The following MSRA variants were observed in gnomAD, a reference collection of about 807,000 sequenced individuals.
The protein encoded by MSRA is methionine sulfoxide reductase A.
Under a neutral mutation model 31.3 loss-of-function variants are expected in MSRA, and 54 were observed. That is an observed-to-expected ratio of 1.73 (90% CI 1.39 to 2.17). MSRA has a LOEUF of 2.17. MSRA is among the 30% of genes most tolerant of loss of function. MSRA has a pLI of 0.00. For missense variants in MSRA, 507 were observed against 300.9 expected (o/e 1.69, Z -5.07); for synonymous variants, 169 against 116.5 (o/e 1.45, Z -2.90).
At chr8:10,240,459 C>G (rs1055581238) in intron 2 of MSRA, among the ~76,000 whole-genome samples, 2 of 152,218 alleles carry the variant, frequency 1.3e-5, no homozygotes, top group African/African-American at 4.8e-5. Flanking sequence ...GGGCCCCTTT[C>G]CATGCTTTGT....
intron 3 of MSRA, among the ~76,000 whole-genome samples, chr8:10,246,420 A>G (rs1055552935): frequency 2.6e-5 from 4 of 152,268 alleles, no homozygotes; most frequent in African/African-American, 7.2e-5. Context: ...TTTTCTAAAA[A>G]AAATTATATT....
At chr8:10,381,512 C>T (rs968716552) in intron 5 of MSRA, among the ~76,000 whole-genome samples, 2 of 152,198 alleles carry the variant, frequency 1.3e-5, no homozygotes, top group Non-Finnish European at 2.9e-5. Context: ...CTACGGGCCC[C>T]TCCCCAGTGA....
At chr8:10,127,701 G>C (rs573534399) in intron 1 of MSRA, among the ~76,000 whole-genome samples, 9 of 152,154 alleles carry the variant, frequency 5.9e-5, no homozygotes, top group Non-Finnish European at 7.3e-5. Flanking sequence ...AGAGAATTGG[G>C]TTACCTTAGC....
chr8:10,316,527 C>CTCTCTCTCTCTCTCTCTCTCT, intron 4 of MSRA, among the ~76,000 whole-genome samples: 1 of 112,632 alleles, frequency 8.9e-6, no homozygotes, highest in Admixed American at 9.2e-5. Context: ...TTTGATGATC[C>CTCTCTCTCTCTCTCTCTCTCT]CTCTCTCTCT....
chr8:10,127,570 G>T (rs1431167479), intron 1 of MSRA, among the ~76,000 whole-genome samples: 2 of 152,190 alleles, frequency 1.3e-5, no homozygotes, highest in East Asian at 3.9e-4. Context: ...CAGATGAAAT[G>T]AGTGGAGGAT....
At chr8:10,174,275 A>G (rs1805846344) in intron 1 of MSRA, among the ~76,000 whole-genome samples, 1 of 152,202 alleles carries the variant, frequency 6.6e-6, no homozygotes, top group East Asian at 1.9e-4. Flanking sequence ...TATGAAGGAC[A>G]CAGATAGAGG....
chr8:10,301,444 CTTTTGTCTGTTGTTTT>C (rs1297867528), intron 3 of MSRA, 74 bp from the exon 4 acceptor site: 2 of 962,510 alleles, frequency 2.1e-6, no homozygotes, highest in Non-Finnish European at 3.3e-6. Flanking sequence ...AGAGTTTCAG[CTTTTGTCTGTTGTTTT>C]TTTTGTGAAC....
chr8:10,415,025 A>G (rs1015974015), intron 5 of MSRA, among the ~76,000 whole-genome samples: 9 of 152,318 alleles, frequency 5.9e-5, no homozygotes, highest in African/African-American at 2.2e-4. Context: ...GGAAAGCCCA[A>G]ATCAAGAGGA....
At chr8:10,373,451 T>C (rs551395700) in intron 5 of MSRA, among the ~76,000 whole-genome samples, 75 of 152,352 alleles carry the variant, frequency 4.9e-4, no homozygotes, top group African/African-American at 1.8e-3. Flanking sequence ...ACTGCAGCCT[T>C]GAACTCATGG....
intron 1 of MSRA, among the ~76,000 whole-genome samples, chr8:10,088,713 G>C (rs988375684): frequency 3.9e-5 from 6 of 152,014 alleles, no homozygotes; most frequent in African/African-American, 1.2e-4. Flanking sequence ...TCCAGCCTGG[G>C]CACCAGAGTG....
chr8:10,416,402 C>T (rs989210122), intron 5 of MSRA, among the ~76,000 whole-genome samples: 5 of 152,220 alleles, frequency 3.3e-5, no homozygotes, highest in Admixed American at 6.5e-5. Flanking sequence ...GGAAAACCAA[C>T]GCAGGAAATA....
chr8:10,301,076 C>T (rs915254976), intron 3 of MSRA, among the ~76,000 whole-genome samples: 7 of 152,196 alleles, frequency 4.6e-5, no homozygotes, highest in African/African-American at 1.7e-4. Context: ...AGTGATCAGC[C>T]TGTTTTTTAC....
At chr8:10,359,675 C>T (rs1421253973) in intron 5 of MSRA, among the ~76,000 whole-genome samples, 2 of 152,144 alleles carry the variant, frequency 1.3e-5, no homozygotes, top group African/African-American at 2.4e-5. Context: ...CCACTGCTGC[C>T]ACCAAGCTTT....
chr8:10,362,688 A>G (rs1327722581), intron 5 of MSRA, among the ~76,000 whole-genome samples: 1 of 152,046 alleles, frequency 6.6e-6, no homozygotes, highest in African/African-American at 2.4e-5. Flanking sequence ...AGGAGGTCTC[A>G]GATGAGGACC....
intron 1 of MSRA, among the ~76,000 whole-genome samples, chr8:10,090,249 G>A (rs1471265983): frequency 6.6e-6 from 1 of 152,174 alleles, no homozygotes; most frequent in Non-Finnish European, 1.5e-5. Flanking sequence ...TAGCAGTCCA[G>A]GAGAGCAGAA....
chr8:10,384,955 T>C (rs543726810), intron 5 of MSRA, among the ~76,000 whole-genome samples: 15 of 151,982 alleles, frequency 9.9e-5, no homozygotes, highest in Non-Finnish European at 1.6e-4. Context: ...TAAGCCGTGA[T>C]TGGGCCACTG....
intron 3 of MSRA, among the ~76,000 whole-genome samples, chr8:10,298,134 C>T (rs1800642907): frequency 6.6e-6 from 1 of 152,184 alleles, no homozygotes; most frequent in African/African-American, 2.4e-5. Context: ...TAATGGGGAC[C>T]ATATGTCTCT....
intron 5 of MSRA, among the ~76,000 whole-genome samples, chr8:10,397,935 C>T (rs1450940665): frequency 6.6e-6 from 1 of 152,164 alleles, no homozygotes; most frequent in Non-Finnish European, 1.5e-5. Flanking sequence ...GCCCCTCTTC[C>T]CTCTCTTGTT....
intron 4 of MSRA, among the ~76,000 whole-genome samples, chr8:10,311,444 G>T (rs1801425289): frequency 6.6e-6 from 1 of 151,420 alleles, no homozygotes; most frequent in Non-Finnish European, 1.5e-5. Flanking sequence ...ACTTGACCCA[G>T]TGGACATAAG....
Sources: gnomAD v4.1 joint callset for allele counts (sites outside exome capture counted in the v4.1 genomes callset) on GRCh38, gnomAD v4.1.1 for gene constraint, MANE v1.5 for transcripts, NCBI Gene and HGNC (gene_info 2026-07-23, HGNC 2026-07-21) for gene names.